ADK: variants seen among roughly 807,000 people sequenced by gnomAD.
ADK encodes the protein N6,N6-dimethyladenosine kinase.
A neutral mutation model predicts 44.7 loss-of-function variants in ADK; 24 were observed. That is an observed-to-expected ratio of 0.54 (90% confidence interval 0.39 to 0.76). The LOEUF (loss-of-function observed/expected upper bound fraction) is 0.76, where lower values mean the gene tolerates loss of function less well. Ranked by LOEUF, ADK falls within the 30% of genes least tolerant of loss-of-function variation. The pLI, the probability that ADK is intolerant of heterozygous loss-of-function variation, is 0.00. For synonymous variants in ADK, 128 were observed against 142.6 expected, an observed-to-expected ratio of 0.90 and a Z score of 0.73; for missense variants, 321 against 425.1, an observed-to-expected ratio of 0.76 and a Z score of 2.15.
chr10:74,335,848 CTT>C (rs992307213), intron 4 of ADK, among the ~76,000 whole-genome samples: 13 of 152,024 alleles, frequency 8.6e-5, no homozygotes, highest in East Asian at 1.9e-4. Flanking sequence ...TCTTCAAACT[CTT>C]TGCCTTTTTT....
chr10:74,242,752 C>T (rs1180398230), intron 3 of ADK, among the ~76,000 whole-genome samples: 2 of 152,164 alleles, frequency 1.3e-5, no homozygotes, highest in Admixed American at 1.3e-4. Flanking sequence ...CTATGGCCTG[C>T]CCCACCCGCA....
At position 74,580,177 on chromosome 10, in the gene ADK, C is replaced by T. The variant is rs184870561; in HGVS notation, c.727-9105C>T. Among the ~76,000 whole-genome samples the T allele has an allele frequency of 1.9e-3, 284 of 152,228 alleles. 1 individual carries two copies. Among genetic ancestry groups the T allele is most frequent in the African/African-American group, 6.6e-3 (276 of 41,560 alleles). ...ATCCAAATCTCACCTTGAATTCCCA[C>T]GTGTTGTGGGACCCAGTGGGAGGTA... On this transcript the variant is annotated intron_variant, in intron 7 of 10. Transcript: ENST00000539909.
At chr10:74,702,446 T>G (rs1856457319) in intron 10 of ADK, among the ~76,000 whole-genome samples, 1 of 151,788 alleles carries the variant, frequency 6.6e-6, no homozygotes, top group South Asian at 2.1e-4. Flanking sequence ...CCTCCCAAAG[T>G]GCTGAGATTA....
At chr10:74,495,172 C>T (rs1384041791) in intron 6 of ADK, among the ~76,000 whole-genome samples, 1 of 149,844 alleles carries the variant, frequency 6.7e-6, no homozygotes, top group Non-Finnish European at 1.5e-5. Context: ...TTCATTAATT[C>T]ATTATATTAA....
At chr10:74,404,228 T>A (rs1305886633) in intron 6 of ADK, among the ~76,000 whole-genome samples, 1 of 151,812 alleles carries the variant, frequency 6.6e-6, no homozygotes, top group Non-Finnish European at 1.5e-5. Flanking sequence ...CAACTTACAA[T>A]ACATACATTT....
intron 7 of ADK, among the ~76,000 whole-genome samples, chr10:74,577,621 C>G (rs1167412982): frequency 6.6e-6 from 1 of 151,408 alleles, no homozygotes; most frequent in Non-Finnish European, 1.5e-5. Context: ...TCTGTTTTTA[C>G]TCCATTTTGT....
chr10:74,284,051 T>G (rs1766727283), intron 3 of ADK, among the ~76,000 whole-genome samples: 1 of 152,120 alleles, frequency 6.6e-6, no homozygotes, highest in Non-Finnish European at 1.5e-5. Flanking sequence ...CTCCGCCTCC[T>G]GCGTTCAAGA....
At chr10:74,441,001 T>G (rs1845388600) in intron 6 of ADK, among the ~76,000 whole-genome samples, 1 of 152,198 alleles carries the variant, frequency 6.6e-6, no homozygotes, top group African/African-American at 2.4e-5. Flanking sequence ...ACAAGAGTGA[T>G]GAGTCCTTAG....
rs146995554 is a variant in ADK, at chr10:74,609,441, T to G, written c.877+8948T>G. Among the ~76,000 whole-genome samples, 41 of 152,144 alleles carry G rather than the reference T, an allele frequency of 2.7e-4. 1 individual carries two copies. The East Asian group carries it at 7.1e-3, about 26-fold the overall frequency. ...AAAAGTGTAGTTATCTGGGCTGGAG[T>G]GCACCATTTCTCATGGCACAGTCCC... On this transcript the variant is annotated intron_variant, in intron 9 of 10. Coordinates refer to ENST00000539909, the MANE Select transcript of ADK (RefSeq NM_006721.4).
At chr10:74,319,147 GT>G (rs1840728207) in intron 4 of ADK, among the ~76,000 whole-genome samples, 1 of 152,166 alleles carries the variant, frequency 6.6e-6, no homozygotes, top group African/African-American at 2.4e-5. Context: ...TTGGTAAAAT[GT>G]TTAATCCAAC....
intron 4 of ADK, among the ~76,000 whole-genome samples, chr10:74,356,005 T>TGG (rs1564672588): frequency 8.2e-6 from 1 of 121,676 alleles, no homozygotes; most frequent in African/African-American, 3.2e-5. Context: ...ATAATTCATT[T>TGG]TTTTTTTTTT....
chr10:74,377,565 G>A (rs1462584366), intron 4 of ADK, among the ~76,000 whole-genome samples: 1 of 152,176 alleles, frequency 6.6e-6, no homozygotes, highest in East Asian at 1.9e-4. Context: ...GGTGCTTTGT[G>A]CACATTCTCT....
Position 74,479,655 on chromosome 10 carries a change from G to A in ADK, c.556-45601G>A, listed in dbSNP as rs144806566. The stretch of plus-strand genomic sequence containing the variant: ...TGCTGTTTTTAAATTTTTTATTCTG[G>A]CATTTTGGAAAGGTTTATATTTCTT... On this transcript the variant is annotated intron_variant, in intron 6 of 10. Transcript: ENST00000539909. 3.8e-4 allele frequency among the ~76,000 whole-genome samples: 58 copies of A among 151,244 alleles called. 1 individual carries two copies. In the East Asian group the frequency reaches 0.01, roughly 27 times the overall value.
chr10:74,645,817 T>C (rs1854034403), intron 9 of ADK, among the ~76,000 whole-genome samples: 1 of 152,222 alleles, frequency 6.6e-6, no homozygotes, highest in African/African-American at 2.4e-5. Context: ...TGTCCATTAA[T>C]GGCAGATTTC....
At chr10:74,550,273 G>A (rs1047030463) in intron 7 of ADK, among the ~76,000 whole-genome samples, 3 of 151,856 alleles carry the variant, frequency 2.0e-5, no homozygotes, top group Non-Finnish European at 4.4e-5. Context: ...GTTTCACTGT[G>A]TTGGCCAGGC....
At chr10:74,492,010 C>G (rs1277127970) in intron 6 of ADK, among the ~76,000 whole-genome samples, 1 of 151,818 alleles carries the variant, frequency 6.6e-6, no homozygotes, top group Non-Finnish European at 1.5e-5. Flanking sequence ...TAATGAATTC[C>G]CATATGTTAA....
chr10:74,666,275 T>G (rs550855484), intron 9 of ADK, among the ~76,000 whole-genome samples: 1 of 152,282 alleles, frequency 6.6e-6, no homozygotes, highest in African/African-American at 2.4e-5. Flanking sequence ...TGCCTAAAAT[T>G]GATTATTTTG....
intron 4 of ADK, among the ~76,000 whole-genome samples, chr10:74,335,872 T>A (rs1188045281): frequency 6.6e-6 from 1 of 152,126 alleles, no homozygotes; most frequent in Non-Finnish European, 1.5e-5. Flanking sequence ...TAAAAAAAAT[T>A]GTGTTTATTT....
chr10:74,687,575 T>G (rs2134253469), intron 10 of ADK, among the ~76,000 whole-genome samples: 1 of 152,312 alleles, frequency 6.6e-6, no homozygotes, highest in African/African-American at 2.4e-5. Context: ...CTATAAACAT[T>G]GTGTTTGCAT....
Sources: allele counts gnomAD v4.1 joint callset (sites outside exome capture counted in the v4.1 genomes callset), GRCh38; gene constraint gnomAD v4.1.1; transcripts MANE v1.5; gene names NCBI Gene and HGNC (gene_info 2026-07-23, HGNC 2026-07-21).